SCARA5: variants seen among roughly 807,000 people sequenced by gnomAD.
The protein encoded by SCARA5 is scavenger receptor class A member 5.
A neutral mutation model predicts 46.3 loss-of-function variants in SCARA5; 45 were observed. The observed-to-expected ratio is 0.97, with a 90% CI of 0.76 to 1.24. SCARA5 has a LOEUF of 1.24. Ranked by LOEUF, SCARA5 falls within the 50% of genes most tolerant of loss-of-function variation. The pLI is 0.00. For missense variants in SCARA5, 680 were observed against 689.0 expected (o/e 0.99, Z 0.15); for synonymous variants, 333 against 306.5 (o/e 1.09, Z -0.90).
intron 7 of SCARA5, among the ~76,000 whole-genome samples, chr8:27,898,223 C>G (rs929534898): frequency 6.9e-6 from 1 of 145,234 alleles, no homozygotes; most frequent in African/African-American, 2.5e-5. Context: ...ATGGATTAAT[C>G]GGAATTGAAC....
intron 3 of SCARA5, among the ~76,000 whole-genome samples, chr8:27,934,953 T>C (rs1807831427): frequency 6.6e-6 from 1 of 152,260 alleles, no homozygotes; most frequent in Non-Finnish European, 1.5e-5. Flanking sequence ...GAGGTGACCC[T>C]TCCATCATAC....
At chr8:27,907,094 A>T (rs1445820156) in intron 6 of SCARA5, 54 bp downstream of exon 6, 5 of 1,336,298 alleles carry the variant, frequency 3.7e-6, no homozygotes, top group African/African-American at 2.9e-5. Context: ...GCCAATGCCC[A>T]TGTGCTGCCT....
chr8:27,981,609 A>G (rs1808616532), intron 2 of SCARA5, among the ~76,000 whole-genome samples: 2 of 152,186 alleles, frequency 1.3e-5, no homozygotes, highest in Admixed American at 6.5e-5. Flanking sequence ...ACTGGGTCTG[A>G]GTTCACGCAT....
chr8:27,979,035 C>G (rs1186510648), intron 2 of SCARA5, among the ~76,000 whole-genome samples: 1 of 152,172 alleles, frequency 6.6e-6, no homozygotes, highest in Admixed American at 6.5e-5. Context: ...CTGGTCAGGT[C>G]TAATTCCACC....
chr8:27,968,217 G>C (rs1808398287), intron 2 of SCARA5, among the ~76,000 whole-genome samples: 1 of 152,134 alleles, frequency 6.6e-6, no homozygotes, highest in African/African-American at 2.4e-5. Flanking sequence ...GTTATATAAG[G>C]AACATTTTCT....
At chr8:27,924,876 TC>T (rs1807656566) in intron 3 of SCARA5, among the ~76,000 whole-genome samples, 1 of 152,102 alleles carries the variant, frequency 6.6e-6, no homozygotes, top group Non-Finnish European at 1.5e-5. Context: ...ATGAGTATAC[TC>T]CCATTCACAA....
At chr8:27,918,256 G>A (rs1207843494) in intron 4 of SCARA5, among the ~76,000 whole-genome samples, 1 of 152,158 alleles carries the variant, frequency 6.6e-6, no homozygotes, top group Non-Finnish European at 1.5e-5. Context: ...AGCCTCAGTT[G>A]TTTTCCTGCC....
At chr8:27,962,790 T>G in intron 3 of SCARA5, among the ~76,000 whole-genome samples, 1 of 152,318 alleles carries the variant, frequency 6.6e-6, no homozygotes, top group Admixed American at 6.5e-5. Flanking sequence ...AATGGGTGTA[T>G]GTATTCATGA....
At chr8:27,991,679 G>T (rs1271974827) in intron 1 of SCARA5, among the ~76,000 whole-genome samples, 2 of 152,136 alleles carry the variant, frequency 1.3e-5, no homozygotes, top group Non-Finnish European at 2.9e-5. Flanking sequence ...CATGAGTGTG[G>T]CCCTTCTCCA....
chr8:27,934,496 A>G (rs943009217), intron 3 of SCARA5, among the ~76,000 whole-genome samples: 6 of 152,150 alleles, frequency 3.9e-5, no homozygotes, highest in Non-Finnish European at 8.8e-5. Flanking sequence ...ATTACAGGAA[A>G]TTATCAGGCT....
intron 7 of SCARA5, among the ~76,000 whole-genome samples, chr8:27,882,036 T>C (rs1470597502): frequency 6.6e-6 from 1 of 152,234 alleles, no homozygotes; most frequent in Non-Finnish European, 1.5e-5. Context: ...GTGAGACTAT[T>C]CATCTCTCCC....
At chr8:27,954,056 G>A (rs1463382010) in intron 3 of SCARA5, among the ~76,000 whole-genome samples, 2 of 152,174 alleles carry the variant, frequency 1.3e-5, no homozygotes, top group Non-Finnish European at 2.9e-5. Flanking sequence ...CATTTACAAA[G>A]CTGAGGGCAG....
At chr8:27,883,401 C>T (rs998652780) in intron 7 of SCARA5, among the ~76,000 whole-genome samples, 5 of 152,192 alleles carry the variant, frequency 3.3e-5, no homozygotes, top group African/African-American at 9.7e-5. Context: ...CCATCCTGCC[C>T]GCCCCACTAC....
At chr8:27,962,919 T>A (rs1482189979) in intron 3 of SCARA5, among the ~76,000 whole-genome samples, 1 of 152,212 alleles carries the variant, frequency 6.6e-6, no homozygotes, top group African/African-American at 2.4e-5. Context: ...AGGATGATGA[T>A]GACAACGACC....
At chr8:27,872,762 A>G (rs1413762988) in intron 8 of SCARA5, among the ~76,000 whole-genome samples, 4 of 152,256 alleles carry the variant, frequency 2.6e-5, no homozygotes, top group Non-Finnish European at 5.9e-5. Flanking sequence ...CTGTGGGATT[A>G]GTCACACCCA....
At chr8:27,938,346 T>A (rs921160582) in intron 3 of SCARA5, among the ~76,000 whole-genome samples, 3 of 49,950 alleles carry the variant, frequency 6.0e-5, no homozygotes, top group Non-Finnish European at 1.3e-4. Flanking sequence ...TGTGGGATTG[T>A]AACTATAATA....
At chr8:27,971,802 G>T (rs1174954506) in intron 2 of SCARA5, among the ~76,000 whole-genome samples, 1 of 150,088 alleles carries the variant, frequency 6.7e-6, no homozygotes, top group East Asian at 2.0e-4. Context: ...TCGGTGTGGA[G>T]CACGTGGCTG....
At chr8:27,984,504 T>TCATCTCTCCATTCATTCATC (rs1808670388) in intron 2 of SCARA5, among the ~76,000 whole-genome samples, 1 of 142,174 alleles carries the variant, frequency 7.0e-6, no homozygotes, top group African/African-American at 2.7e-5. Flanking sequence ...ATTTATTCAT[T>TCATCTCTCCATTCATTCATC]CATCTATCCA....
At chr8:27,935,829 T>C (rs1807846571) in intron 3 of SCARA5, among the ~76,000 whole-genome samples, 2 of 151,966 alleles carry the variant, frequency 1.3e-5, no homozygotes, top group Admixed American at 6.6e-5. Flanking sequence ...CGTGGAGCCA[T>C]GGGGAAGGGC....
Sources: gnomAD v4.1 joint callset for allele counts (sites outside exome capture counted in the v4.1 genomes callset) on GRCh38, gnomAD v4.1.1 for gene constraint, MANE v1.5 for transcripts, NCBI Gene and HGNC (gene_info 2026-07-23, HGNC 2026-07-21) for gene names.